Variants in INTS1 observed in about 807,000 individuals in gnomAD.
The protein encoded by INTS1 is integrator complex subunit 1.
Under a neutral mutation model 241.6 loss-of-function variants are expected in INTS1, and 137 were observed. The ratio of observed to expected loss-of-function variants is 0.57; its 90% CI spans 0.49 to 0.65. INTS1 has a LOEUF of 0.65. Ranked by LOEUF, INTS1 falls within the 30% of genes least tolerant of loss-of-function variation. The pLI is 0.00. For missense variants in INTS1, 3,073 were observed against 3,032.2 expected (o/e 1.01, Z -0.32); for synonymous variants, 1,692 against 1,337.8 (o/e 1.26, Z -5.78).
rs754365920 is a variant in INTS1, at chr7:1,495,564, C to T, written c.1712-11G>A. 4.4e-6 allele frequency: 7 copies of T among 1,605,328 alleles called. 1 individual carries two copies. Among genetic ancestry groups the T allele is most frequent in the South Asian group, 2.2e-5 (2 of 90,082 alleles). Reference sequence around the variant, plus strand: ...GGAGCACTTCCAGGTCTGAAACAGACACGCAGCTTAGTGGCCCATCCGAGC... The same window carrying T: ...GGAGCACTTCCAGGTCTGAAACAGATACGCAGCTTAGTGGCCCATCCGAGC... On this transcript the variant is annotated splice_polypyrimidine_tract_variant and intron_variant, in intron 12 of 47. Transcript: ENST00000404767.
chr7:1,470,499 A>G lies in INTS1; in HGVS notation c.*78T>C. Reference sequence around the variant, plus strand: ...CTCCTCGGACAGACCAGCAACGCCCACGCTTCCTGGGCTTTGCCTCGAGGA... The same window carrying G: ...CTCCTCGGACAGACCAGCAACGCCCGCGCTTCCTGGGCTTTGCCTCGAGGA... On this transcript the variant is annotated 3_prime_UTR_variant, in exon 48 of 48. Transcript: ENST00000404767. The G allele has an allele frequency of 8.6e-7, 1 of 1,167,144 alleles. No individual in the cohort carries two copies. Among genetic ancestry groups the G allele is most frequent in the Non-Finnish European group, 1.2e-6 (1 of 840,704 alleles). The allele number at this position is 1,167,144 out of a possible 1,614,324, so 72.3% of individuals were successfully genotyped here.
rs368172353 is a variant in INTS1 at position 1,480,300 on chromosome 7, T to A, written c.4074+17A>T. 10 of 1,593,126 alleles carry A rather than the reference T, an allele frequency of 6.3e-6. No individual in the cohort carries two copies. In the African/African-American group the frequency reaches 1.3e-4, roughly 21 times the overall value. On this transcript the variant is annotated intron_variant, in intron 30 of 47. Transcript: ENST00000404767. ...GAGGGGCTGCAGGTGGAGACCCACA[T>A]GCAGCAGCAACGCTACCTGGAGGAA...
intron 16 of INTS1, among the ~76,000 whole-genome samples, 172 bp downstream of exon 16, chr7:1,492,838 C>CGGGAGTG (rs1172986356): frequency 1.1e-3 from 126 of 119,526 alleles, no homozygotes; most frequent in African/African-American, 3.6e-3. Context: ...CTTACCCGGG[C>CGGGAGTG]GGGAGTGGGG....
At chr7:1,501,306 T>C (rs1783167680) in intron 3 of INTS1, 2 of 151,030 alleles carry the variant, frequency 1.3e-5, no homozygotes, top group Admixed American at 6.6e-5. Flanking sequence ...AATAAATAAA[T>C]AAATAATAAA....
intron 39 of INTS1, among the ~76,000 whole-genome samples, chr7:1,475,616 G>A (rs1251527975): frequency 2.6e-5 from 4 of 152,278 alleles, no homozygotes; most frequent in Middle Eastern, 3.4e-3. Context: ...ACCCGGGCAC[G>A]AGTCCCCAGC....
At chr7:1,498,943 G>GGGCCGGC in intron 8 of INTS1, 32 bp downstream of exon 8, 2 of 1,070,748 alleles carry the variant, frequency 1.9e-6, no homozygotes, top group Non-Finnish European at 1.3e-6. Context: ...CCCACCCCCT[G>GGGCCGGC]CCCCGCCCAC....
At chr7:1,488,390 C>CAAAACCCAGCTA (rs1012325693) in intron 18 of INTS1, among the ~76,000 whole-genome samples, 2 of 152,166 alleles carry the variant, frequency 1.3e-5, no homozygotes, top group Admixed American at 6.5e-5. Context: ...CGGCGTGTTC[C>CAAAACCCAGCTA]AAAACCCAGC....
intron 24 of INTS1, among the ~76,000 whole-genome samples, chr7:1,484,856 A>G (rs1194524539): frequency 1.3e-5 from 2 of 152,070 alleles, no homozygotes; most frequent in Non-Finnish European, 2.9e-5. Context: ...TCCCACCCTC[A>G]ATGCCTCCCT....
Position 1,493,766 on chromosome 7 carries a change from C to T in INTS1, c.2056G>A (p.Val686Met), listed in dbSNP as rs777052232. ...ADHLVKRAAA[V>M]QADDVEVLKV... ...GCAGAAGCCATACCATCCGCCTGCA[C>T]GGCAGCCGCCCGCTTCACCAGGTGG... Residue 686 changes from valine (V) to methionine (M), a missense_variant, in exon 15 of 48, where the codon GTG becomes ATG. Physicochemically the swap from Val to Met is conservative, Grantham distance 21. Transcript: ENST00000404767. This position sits in a 1 kb window ranked among gnomAD's most constrained non-coding sequence, Gnocchi z 5.3. The T allele has an allele frequency of 8.8e-5, 139 of 1,578,282 alleles. No homozygotes were observed. The highest frequency in any genetic ancestry group is 1.1e-4 in the Non-Finnish European group (133 of 1,163,616).
chr7:1,502,521 G>A (rs1222720977), intron 3 of INTS1, among the ~76,000 whole-genome samples: 3 of 152,176 alleles, frequency 2.0e-5, no homozygotes, highest in Admixed American at 6.5e-5. Context: ...CATCGCCTCC[G>A]CTCAGGTTGA....
intron 27 of INTS1, chr7:1,482,231 A>C: frequency 8.1e-6 from 2 of 247,720 alleles, no homozygotes; most frequent in Non-Finnish European, 1.5e-5. Context: ...CAGAGGCCCC[A>C]CCACTTCTCC....
In INTS1 at chr7:1,503,922, G is replaced by A; in HGVS notation, c.39C>T (p.Ser13=). ...RAKPTTVRRP[S]AAAKPSGHPP... ...ACGCACCTGAGGGTTTGGCCGCGGC[G>A]CTGGGCCGGCGCACCGTGGTGGGCT... is the stretch of plus-strand genomic sequence containing the variant. The change falls in exon 2 of 48, where the codon AGC becomes AGT. Residue 13 remains serine (S), a synonymous_variant. Coordinates refer to ENST00000404767, the MANE Select transcript of INTS1 (RefSeq NM_001080453.3). 1 of 1,569,592 alleles carries A rather than the reference G, an allele frequency of 6.4e-7. No homozygotes were observed. The highest frequency in any genetic ancestry group is 8.6e-7 in the Non-Finnish European group (1 of 1,159,098).
intron 40 of INTS1, 104 bp downstream of exon 40, chr7:1,474,601 T>C: frequency 7.1e-7 from 1 of 1,418,116 alleles, no homozygotes; most frequent in South Asian, 1.4e-5. Context: ...AACATGCTTT[T>C]TTTTGTTGTT....
At position 1,499,240 on chromosome 7, in the gene INTS1, C is replaced by A. The variant is rs768040449; in HGVS notation, c.950+15G>T. On this transcript the variant is annotated intron_variant, in intron 7 of 47. Transcript: ENST00000404767. ...CCCGCCGCCCCCAACTGGGACCGGG[C>A]AGGCACGCAGCTACCTGGGCATGAG... The A allele has an allele frequency of 6.2e-7, 1 of 1,608,472 alleles. No homozygotes were observed. The highest frequency in any genetic ancestry group is 8.5e-7 in the Non-Finnish European group (1 of 1,178,784).
intron 5 of INTS1, 88 bp downstream of exon 5, chr7:1,499,796 T>C (rs1311146379): frequency 3.3e-6 from 5 of 1,508,378 alleles, no homozygotes; most frequent in Non-Finnish European, 4.5e-6. Context: ...CACAGCCCTC[T>C]GGAGAGAACA....
chr7:1,495,574 A>T (rs777907516), intron 12 of INTS1, 21 bp from the exon 13 acceptor site: 1 of 1,600,864 alleles, frequency 6.2e-7, no homozygotes, highest in Non-Finnish European at 8.5e-7. Flanking sequence ...CACGCAGCTT[A>T]GTGGCCCATC....
At chr7:1,484,242 TC>T in intron 24 of INTS1, 72 bp from the exon 25 acceptor site, 1 of 1,472,044 alleles carries the variant, frequency 6.8e-7, no homozygotes, top group South Asian at 1.2e-5. Context: ...GGTGACCTCG[TC>T]GCAGGCACGC....
At chr7:1,485,744 C>G (rs1057483083) in intron 22 of INTS1, among the ~76,000 whole-genome samples, 1 of 152,238 alleles carries the variant, frequency 6.6e-6, no homozygotes, top group Non-Finnish European at 1.5e-5. Context: ...GTTTCACTAG[C>G]GCATCCTTCC....
intron 25 of INTS1, 37 bp downstream of exon 25, chr7:1,483,966 C>G: frequency 6.3e-7 from 1 of 1,594,944 alleles, no homozygotes; most frequent in Non-Finnish European, 8.6e-7. Flanking sequence ...CGTAGACCTC[C>G]TCGCCCTCAC....
Sources: allele counts gnomAD v4.1 joint callset (sites outside exome capture counted in the v4.1 genomes callset), GRCh38; gene constraint gnomAD v4.1.1; non-coding constraint Gnocchi (gnomAD v3.1); transcripts MANE v1.5; gene names NCBI Gene and HGNC (gene_info 2026-07-23, HGNC 2026-07-21).